The following IL22 variants were observed in gnomAD, a reference collection of about 807,000 sequenced individuals.
IL22 encodes the protein interleukin 22, also known as interleukin-22.
IL22 carries 15 observed loss-of-function variants against 15.5 expected under a neutral mutation model. The observed-to-expected ratio is 0.97, with a 90% confidence interval of 0.65 to 1.49. The LOEUF (loss-of-function observed/expected upper bound fraction) is 1.49, where lower values mean the gene tolerates loss of function less well. Among genes scored for constraint, IL22 ranks in the 40% most tolerant of loss-of-function variants. The pLI is 0.00. For synonymous variants in IL22, 91 were observed against 82.0 expected (o/e 1.11, Z -0.60); for missense variants, 225 against 215.4 (o/e 1.04, Z -0.28).
rs1869804721 is a variant in IL22, at chr12:68,248,269, C to G, written c.*530G>C. The G allele has an allele frequency of 6.6e-6, 1 of 152,086 alleles. No individual in the cohort carries two copies. The highest frequency in any genetic ancestry group is 2.4e-5 in the African/African-American group (1 of 41,370). 9.4% of individuals were successfully genotyped at this position (152,086 alleles called of 1,614,324 possible). On this transcript the variant is annotated 3_prime_UTR_variant, in exon 6 of 6. Transcript: ENST00000538666. ...AGGATATCCAAGTGTTTATTGAGGT[C>G]AAATAAACATGTTATAGCTCTATAA...
chr12:68,252,415 A>C, intron 4 of IL22, 89 bp downstream of exon 4: 1 of 1,277,678 alleles, frequency 7.8e-7, no homozygotes, highest in Non-Finnish European at 1.1e-6. Context: ...GCTTAGGGGT[A>C]GGGGGAAGGA....
chr12:68,251,253 A>T, intron 5 of IL22, among the ~76,000 whole-genome samples: 1 of 152,182 alleles, frequency 6.6e-6, no homozygotes, highest in Non-Finnish European at 1.5e-5. Flanking sequence ...TATCTCTGCC[A>T]CTGACCATCC....
chr12:68,248,833 A>G lies in IL22; in HGVS notation c.506T>C (p.Leu169Ser). 1 of 1,613,364 alleles carries G rather than the reference A, an allele frequency of 6.2e-7. No homozygotes were observed. The highest frequency in any genetic ancestry group is 8.5e-7 in the Non-Finnish European group (1 of 1,179,602). Residue 169 changes from leucine to serine, a missense_variant, in exon 6 of 6, where the codon TTG (leucine) becomes TCG (serine). By Grantham distance (145) the Leu-to-Ser change is moderately radical. Coordinates refer to ENST00000538666, the MANE Select transcript of IL22 (RefSeq NM_020525.5). ...GGCATTTCTCAGAGACATAAACAGC[A>G]AATCCAGTTCTCCAATTGCTTTGAT... ...GEIKAIGELD[L>S]LFMSLRNACI
chr12:68,253,121 C>A (rs1470246473), intron 2 of IL22, 142 bp downstream of exon 2: 1 of 664,616 alleles, frequency 1.5e-6, no homozygotes, highest in Non-Finnish European at 2.4e-6. Context: ...CCCAAAGAGT[C>A]TCTGAAAAAA....
intron 5 of IL22, 82 bp from the exon 6 acceptor site, chr12:68,248,958 G>T (rs535909820): frequency 1.0e-5 from 11 of 1,090,340 alleles, no homozygotes; most frequent in South Asian, 2.6e-5. Flanking sequence ...GCAAGATTAG[G>T]TTGATGGAGA....
intron 2 of IL22, 68 bp downstream of exon 2, chr12:68,253,195 A>G (rs1870000665): frequency 7.3e-7 from 1 of 1,374,660 alleles, no homozygotes; most frequent in Non-Finnish European, 1.0e-6. Flanking sequence ...GATGCTCTGA[A>G]GAAAAGTTTA....
intron 5 of IL22, among the ~76,000 whole-genome samples, chr12:68,250,752 G>T (rs957707666): frequency 6.6e-6 from 1 of 152,088 alleles, no homozygotes; most frequent in Non-Finnish European, 1.5e-5. Context: ...GATTTGTTGA[G>T]GGAGTGAAGG....
In IL22 at chr12:68,249,381, C is replaced by CT. The variant is rs540253258; in HGVS notation, c.463-506dup. Among the ~76,000 whole-genome samples, 45 of 152,282 alleles carry CT rather than the reference C, an allele frequency of 3.0e-4. No individual in the cohort carries two copies. In the South Asian group the frequency reaches 9.3e-3, roughly 32 times the overall value. ...AAACAGTATGAGATTTATGCATGGA[C>CT]TTTTTTAGCTCATCAGCTATTGTTC... On this transcript the variant is annotated intron_variant, in intron 5 of 5. Coordinates refer to ENST00000538666, the MANE Select transcript of IL22 (RefSeq NM_020525.5).
At position 68,248,872 on chromosome 12, in the gene IL22, C is replaced by G. The variant is rs768793594; in HGVS notation, c.467G>C (p.Gly156Ala). The change falls in exon 6 of 6, where the codon GGA becomes GCA. Residue 156 changes from glycine (G) to alanine (A), a missense_variant. Physicochemically the swap from Gly to Ala is moderately conservative, Grantham distance 60 (BLOSUM62 0). Transcript: ENST00000538666. ...QKLKDTVKKL[G>A]ESGEIKAIGE... ...AATTGCTTTGATCTCTCCACTCTCT[C>G]CAAGCTGTGAAAATAAGAATGCAAA... 6 of 1,611,678 alleles carry G rather than the reference C, an allele frequency of 3.7e-6. No individual in the cohort carries two copies. Among genetic ancestry groups the G allele is most frequent in the Non-Finnish European group, 5.1e-6 (6 of 1,178,426 alleles).
chr12:68,250,621 G>C (rs953670634), intron 5 of IL22, among the ~76,000 whole-genome samples: 8 of 152,104 alleles, frequency 5.3e-5, no homozygotes, highest in Non-Finnish European at 1.0e-4. Context: ...CCGGTTTTGG[G>C]GTGAGTCACT....
chr12:68,252,450 C>G, intron 4 of IL22, 54 bp downstream of exon 4: 2 of 1,592,140 alleles, frequency 1.3e-6, no homozygotes, highest in South Asian at 1.1e-5. Context: ...AAGGGGGTCT[C>G]TGTGGAAGGA....
chr12:68,250,119 G>A (rs2227502), intron 5 of IL22, among the ~76,000 whole-genome samples: 60 of 152,210 alleles, frequency 3.9e-4, no homozygotes, highest in African/African-American at 1.4e-3. Flanking sequence ...GCTTTCTGAA[G>A]CTACCAGCAA....
intron 3 of IL22, 42 bp from the exon 4 acceptor site, chr12:68,252,689 A>G (rs374794512): frequency 6.2e-7 from 1 of 1,613,484 alleles, no homozygotes. Flanking sequence ...AAGGGATAAG[A>G]CCTAAACCAT....
At chr12:68,249,954 C>T (rs1869871287) in intron 5 of IL22, among the ~76,000 whole-genome samples, 2 of 152,136 alleles carry the variant, frequency 1.3e-5, no homozygotes, top group Admixed American at 1.3e-4. Flanking sequence ...TTATCGTCCC[C>T]TACTGTCTGT....
At chr12:68,253,146 AC>A (rs1869999253) in intron 2 of IL22, 116 bp downstream of exon 2, 5 of 837,048 alleles carry the variant, frequency 6.0e-6, no homozygotes, top group Non-Finnish European at 8.9e-6. Context: ...AAATTTATCT[AC>A]CCTCAGGGAT....
chr12:68,248,774 T>C lies in IL22; in HGVS notation c.*25A>G. On this transcript the variant is annotated 3_prime_UTR_variant, in exon 6 of 6. Coordinates refer to ENST00000538666, the MANE Select transcript of IL22 (RefSeq NM_020525.5). The stretch of plus-strand genomic sequence containing the variant: ...TTTCTAGCAGGGAAAGGGGGTTAGT[T>C]ATTCATTTTTCAGCTTTGCTCTGGT... The C allele has an allele frequency of 1.9e-6, 3 of 1,577,584 alleles. No individual in the cohort carries two copies. Among genetic ancestry groups the C allele is most frequent in the Non-Finnish European group, 2.6e-6 (3 of 1,150,052 alleles).
At chr12:68,251,837 C>A (rs999093460) in intron 4 of IL22, among the ~76,000 whole-genome samples, 1 of 152,114 alleles carries the variant, frequency 6.6e-6, no homozygotes, top group Non-Finnish European at 1.5e-5. Context: ...GTGGAAAGAG[C>A]GGAGTAGTTT....
chr12:68,250,272 A>G (rs776639456), intron 5 of IL22, among the ~76,000 whole-genome samples: 3 of 152,262 alleles, frequency 2.0e-5, no homozygotes, highest in Non-Finnish European at 4.4e-5. Flanking sequence ...GACAACAAGC[A>G]AGATGAAATC....
At chr12:68,250,831 T>C (rs531342267) in intron 5 of IL22, among the ~76,000 whole-genome samples, 53 of 152,296 alleles carry the variant, frequency 3.5e-4, no homozygotes, top group Non-Finnish European at 5.7e-4. Flanking sequence ...CAGACTTCCA[T>C]TTAACTTTAA....
Sources: gnomAD v4.1 joint callset for allele counts (sites outside exome capture counted in the v4.1 genomes callset) on GRCh38, gnomAD v4.1.1 for gene constraint, MANE v1.5 for transcripts, NCBI Gene and HGNC (gene_info 2026-07-23, HGNC 2026-07-21) for gene names.